Variants in RAD51B observed in about 807,000 individuals in gnomAD.
RAD51B encodes the protein DNA repair protein RAD51 homolog 2.
A neutral mutation model predicts 42.2 loss-of-function variants in RAD51B; 38 were observed. That is an observed-to-expected ratio of 0.90 (90% confidence interval 0.70 to 1.18). The LOEUF is 1.18. Among genes scored for constraint, RAD51B ranks in the 50% most tolerant of loss-of-function variants. The pLI, the probability that RAD51B is intolerant of heterozygous loss-of-function variation, is 0.00. For missense variants in RAD51B, 373 were observed against 400.7 expected (o/e 0.93, Z 0.59); for synonymous variants, 154 against 145.2 (o/e 1.06, Z -0.43).
At chr14:67,851,735 C>A (rs2041814702) in intron 4 of RAD51B, among the ~76,000 whole-genome samples, 1 of 152,038 alleles carries the variant, frequency 6.6e-6, no homozygotes, top group Non-Finnish European at 1.5e-5. Flanking sequence ...ACCTTTGTTC[C>A]CTCCCTAGCC....
chr14:68,275,260 C>G (rs1243279576), intron 7 of RAD51B, among the ~76,000 whole-genome samples: 1 of 152,116 alleles, frequency 6.6e-6, no homozygotes, highest in Non-Finnish European at 1.5e-5. Context: ...CTCTGTGACC[C>G]TCATGTGCTA....
At chr14:67,852,744 T>C (rs1021323085) in intron 4 of RAD51B, among the ~76,000 whole-genome samples, 1 of 152,078 alleles carries the variant, frequency 6.6e-6, no homozygotes, top group Non-Finnish European at 1.5e-5. Flanking sequence ...GATATATGCA[T>C]GTGTGTAAAC....
intron 10 of RAD51B, among the ~76,000 whole-genome samples, chr14:68,628,703 G>A (rs1892154367): frequency 6.6e-6 from 1 of 152,142 alleles, no homozygotes; most frequent in Non-Finnish European, 1.5e-5. Context: ...GAGGCAGAGG[G>A]TAGGGGGTGA....
intron 7 of RAD51B, among the ~76,000 whole-genome samples, chr14:68,119,137 G>T (rs1239060230): frequency 6.6e-6 from 1 of 151,722 alleles, no homozygotes; most frequent in Non-Finnish European, 1.5e-5. Context: ...TGTAGAGACA[G>T]GGTGTCACCA....
intron 8 of RAD51B, among the ~76,000 whole-genome samples, chr14:68,344,951 A>C (rs2082647891): frequency 3.3e-5 from 5 of 151,618 alleles, no homozygotes; most frequent in African/African-American, 9.7e-5. Flanking sequence ...AATCTCAAAA[A>C]AAAAAAAAAA....
chr14:68,271,530 A>G (rs1220693482), intron 7 of RAD51B, among the ~76,000 whole-genome samples: 2 of 152,210 alleles, frequency 1.3e-5, no homozygotes, highest in Non-Finnish European at 1.5e-5. Flanking sequence ...TAAATAGGCA[A>G]TACAGCATGG....
At chr14:67,822,029 C>T (rs1186321986) in intron 1 of RAD51B, 2 of 151,878 alleles carry the variant, frequency 1.3e-5, no homozygotes, top group Non-Finnish European at 2.9e-5. Context: ...TTGATTCAGT[C>T]TGATTCAGAG....
chr14:68,116,830 A>G (rs1178130170), intron 7 of RAD51B, among the ~76,000 whole-genome samples: 1 of 152,154 alleles, frequency 6.6e-6, no homozygotes, highest in African/African-American at 2.4e-5. Context: ...GAAAAGTTGG[A>G]ATTTCTTCCT....
chr14:68,512,334 T>G (rs1885789183), intron 10 of RAD51B, among the ~76,000 whole-genome samples: 1 of 152,230 alleles, frequency 6.6e-6, no homozygotes. Context: ...GGTCTCTCCG[T>G]CTGTTTCTCA....
intron 10 of RAD51B, among the ~76,000 whole-genome samples, chr14:68,603,831 G>A (rs1891324006): frequency 6.6e-6 from 1 of 152,326 alleles, no homozygotes; most frequent in East Asian, 1.9e-4. Flanking sequence ...GGCCGCGCTG[G>A]CCCCCTGTCC....
chr14:68,327,727 T>TA (rs34100794), intron 8 of RAD51B, among the ~76,000 whole-genome samples: 1 of 151,662 alleles, frequency 6.6e-6, no homozygotes, highest in African/African-American at 2.4e-5. Context: ...AAGGTATTAT[T>TA]AAAAAAAAGT....
At chr14:68,128,634 G>A (rs184796979) in intron 7 of RAD51B, among the ~76,000 whole-genome samples, 153 of 152,310 alleles carry the variant, frequency 1.0e-3, no homozygotes, top group Admixed American at 4.6e-3. Context: ...AGAGGTTGCA[G>A]TGAGCCCAAA....
chr14:68,580,066 T>C (rs1248678808), intron 10 of RAD51B, among the ~76,000 whole-genome samples: 1 of 152,226 alleles, frequency 6.6e-6, no homozygotes, highest in African/African-American at 2.4e-5. Flanking sequence ...GTGCTGCCTA[T>C]GAAGCACTGC....
intron 11 of RAD51B, among the ~76,000 whole-genome samples, chr14:68,653,145 G>A (rs1892736127): frequency 6.6e-6 from 1 of 152,194 alleles, no homozygotes; most frequent in African/African-American, 2.4e-5. Context: ...TCCCACAGGT[G>A]GAGAGTATAT....
At chr14:68,027,919 C>A (rs2075979726) in intron 7 of RAD51B, among the ~76,000 whole-genome samples, 1 of 152,132 alleles carries the variant, frequency 6.6e-6, no homozygotes, top group Non-Finnish European at 1.5e-5. Flanking sequence ...TGCCAGAATT[C>A]TTGCACTGAT....
intron 7 of RAD51B, among the ~76,000 whole-genome samples, chr14:67,985,847 T>C (rs907357158): frequency 6.6e-6 from 1 of 151,460 alleles, no homozygotes; most frequent in Non-Finnish European, 1.5e-5. Flanking sequence ...GAGGCGGAGG[T>C]TGTGGTGAGC....
chr14:68,070,299 G>A (rs1595356317), intron 7 of RAD51B, among the ~76,000 whole-genome samples: 1 of 152,096 alleles, frequency 6.6e-6, no homozygotes, highest in African/African-American at 2.4e-5. Context: ...CTTACTTGTC[G>A]ATTTTTGTTT....
At chr14:68,234,551 A>G (rs2080208859) in intron 7 of RAD51B, among the ~76,000 whole-genome samples, 1 of 152,202 alleles carries the variant, frequency 6.6e-6, no homozygotes, top group Admixed American at 6.5e-5. Flanking sequence ...TGGGCAGCAA[A>G]CCTGTAGAGC....
intron 7 of RAD51B, among the ~76,000 whole-genome samples, chr14:68,116,597 A>G (rs1368331416): frequency 6.6e-6 from 1 of 152,202 alleles, no homozygotes; most frequent in African/African-American, 2.4e-5. Context: ...ATGACATTAT[A>G]TTGTGAACCT....
Sources: allele counts gnomAD v4.1 joint callset (sites outside exome capture counted in the v4.1 genomes callset), GRCh38; gene constraint gnomAD v4.1.1; transcripts MANE v1.5; gene names NCBI Gene and HGNC (gene_info 2026-07-23, HGNC 2026-07-21).